The following FSTL5 variants were observed in gnomAD, a reference collection of about 807,000 sequenced individuals.
FSTL5 encodes follistatin-related protein 5.
Under a neutral mutation model 89.1 loss-of-function variants are expected in FSTL5, and 62 were observed. The ratio of observed to expected loss-of-function variants is 0.70; its 90% CI spans 0.57 to 0.86. The LOEUF (loss-of-function observed/expected upper bound fraction) is 0.86. FSTL5 is among the 40% of genes least tolerant of loss of function. The pLI, the probability that FSTL5 is intolerant of heterozygous loss-of-function variation, is 0.00. For missense variants in FSTL5, 1,057 were observed against 1,001.6 expected (o/e 1.06, Z -0.75); for synonymous variants, 383 against 346.2 (o/e 1.11, Z -1.18).
chr4:161,771,806 AT>A (rs1235875998), intron 5 of FSTL5, among the ~76,000 whole-genome samples: 1 of 152,176 alleles, frequency 6.6e-6, no homozygotes, highest in Non-Finnish European at 1.5e-5. Flanking sequence ...CACGCCTGTG[AT>A]CCTCACACTT....
chr4:161,728,198 A>G (rs2126759397), intron 6 of FSTL5, among the ~76,000 whole-genome samples: 1 of 152,326 alleles, frequency 6.6e-6, no homozygotes, highest in African/African-American at 2.4e-5. Flanking sequence ...AAGTTATAAA[A>G]TATCTCTGGG....
intron 4 of FSTL5, among the ~76,000 whole-genome samples, chr4:161,797,948 C>A (rs922067881): frequency 6.6e-6 from 1 of 151,580 alleles, no homozygotes; most frequent in South Asian, 2.1e-4. Flanking sequence ...ACCCACCAAG[C>A]AAAACATTTA....
chr4:161,855,186 A>G (rs1355046014), intron 4 of FSTL5, among the ~76,000 whole-genome samples: 1 of 152,016 alleles, frequency 6.6e-6, no homozygotes, highest in East Asian at 1.9e-4. Flanking sequence ...ATATTACAAT[A>G]AATATAAAAA....
chr4:162,023,607 G>A (rs945656792), intron 3 of FSTL5, among the ~76,000 whole-genome samples: 1 of 152,132 alleles, frequency 6.6e-6, no homozygotes, highest in South Asian at 2.1e-4. Context: ...GTTCTAGAAT[G>A]AACTGACACA....
intron 3 of FSTL5, among the ~76,000 whole-genome samples, chr4:162,001,623 TGTG>T (rs898563819): frequency 7.3e-6 from 1 of 137,018 alleles, no homozygotes; most frequent in African/African-American, 2.6e-5. Context: ...TGTGTGTGTG[TGTG>T]TAAGTGTAAG....
chr4:162,115,288 T>G (rs544834778), intron 1 of FSTL5, among the ~76,000 whole-genome samples: 69 of 152,342 alleles, frequency 4.5e-4, no homozygotes, highest in African/African-American at 1.7e-3. Context: ...CAATGTATGC[T>G]CAGAGAATCA....
At chr4:161,737,730 C>T (rs1246434952) in intron 6 of FSTL5, among the ~76,000 whole-genome samples, 1 of 151,758 alleles carries the variant, frequency 6.6e-6, no homozygotes, top group Non-Finnish European at 1.5e-5. Flanking sequence ...CACCATTAAC[C>T]TTTAGTTCCT....
At chr4:161,471,296 G>A (rs1008777832) in intron 13 of FSTL5, among the ~76,000 whole-genome samples, 13 of 151,816 alleles carry the variant, frequency 8.6e-5, no homozygotes, top group South Asian at 4.2e-4. Flanking sequence ...TGCTTTTTTC[G>A]ATCAATTGAG....
chr4:161,538,252 C>T lies in FSTL5; in HGVS notation c.1226G>A (p.Gly409Glu). 1 of 1,613,988 alleles carries T rather than the reference C, an allele frequency of 6.2e-7. No homozygotes were observed. The highest frequency in any genetic ancestry group is 8.5e-7 in the Non-Finnish European group (1 of 1,179,920). Residue 409 changes from glycine to glutamate, a missense_variant, in exon 10 of 16, where the codon GGA becomes GAA. Transcript: ENST00000306100. ...ATTCTTTGCGATACAAGTGTATGCT[C>T]CAGTATCTTCATAGCGCACATTGCT... ...HISNVRYEDT[G>E]AYTCIAKNEA... is the part of the protein sequence containing the mutation.
At chr4:161,816,632 CAT>C (rs1299498047) in intron 4 of FSTL5, among the ~76,000 whole-genome samples, 3 of 152,038 alleles carry the variant, frequency 2.0e-5, no homozygotes, top group Admixed American at 2.0e-4. Context: ...GTGAATAACA[CAT>C]AAAAAATTTT....
intron 4 of FSTL5, among the ~76,000 whole-genome samples, chr4:161,881,703 AAAAC>A (rs765206557): frequency 2.7e-4 from 41 of 152,150 alleles, no homozygotes; most frequent in South Asian, 1.7e-3. Flanking sequence ...GCTTTTATGG[AAAAC>A]AAACAAACAA....
intron 4 of FSTL5, among the ~76,000 whole-genome samples, chr4:161,855,355 A>G (rs1040445531): frequency 6.6e-6 from 1 of 152,114 alleles, no homozygotes; most frequent in Non-Finnish European, 1.5e-5. Context: ...GTCCATAGGA[A>G]TACATGGAAA....
At chr4:161,731,138 A>C (rs1309294836) in intron 6 of FSTL5, among the ~76,000 whole-genome samples, 9 of 152,200 alleles carry the variant, frequency 5.9e-5, no homozygotes, top group Non-Finnish European at 1.3e-4. Flanking sequence ...GCTAAACTGC[A>C]CATATTTAAA....
intron 7 of FSTL5, among the ~76,000 whole-genome samples, chr4:161,647,714 C>A (rs552590075): frequency 1.3e-5 from 2 of 151,922 alleles, no homozygotes; most frequent in Non-Finnish European, 2.9e-5. Flanking sequence ...TTAAATGATG[C>A]GGAAAGGGGG....
intron 2 of FSTL5, among the ~76,000 whole-genome samples, chr4:162,088,568 T>C (rs1428806092): frequency 6.6e-6 from 1 of 152,102 alleles, no homozygotes; most frequent in African/African-American, 2.4e-5. Context: ...ATAGAAACAA[T>C]CTTCTCATAG....
intron 4 of FSTL5, among the ~76,000 whole-genome samples, chr4:161,835,319 C>G (rs1270799987): frequency 6.6e-6 from 1 of 152,122 alleles, no homozygotes; most frequent in Non-Finnish European, 1.5e-5. Flanking sequence ...GGATTAAAGA[C>G]TTAAACATTA....
At chr4:161,798,880 A>C (rs977903584) in intron 4 of FSTL5, among the ~76,000 whole-genome samples, 2 of 151,764 alleles carry the variant, frequency 1.3e-5, no homozygotes, top group South Asian at 4.1e-4. Context: ...AAACTGAGTG[A>C]AATGGGAAGA....
chr4:161,395,152 T>C (rs985479692), intron 15 of FSTL5, among the ~76,000 whole-genome samples: 1 of 152,012 alleles, frequency 6.6e-6, no homozygotes, highest in Admixed American at 6.6e-5. Flanking sequence ...AATACAATAG[T>C]AACCAATAGA....
intron 4 of FSTL5, 45 bp from the exon 5 acceptor site, chr4:161,776,119 G>A: frequency 1.0e-6 from 1 of 956,894 alleles, no homozygotes. Flanking sequence ...TTATTGAAAA[G>A]AAATAGTTTA....
Sources: gnomAD v4.1 joint callset for allele counts (sites outside exome capture counted in the v4.1 genomes callset) on GRCh38, gnomAD v4.1.1 for gene constraint, MANE v1.5 for transcripts, NCBI Gene and HGNC (gene_info 2026-07-23, HGNC 2026-07-21) for gene names.